BTBD10: variants seen among roughly 807,000 people sequenced by gnomAD.
The protein encoded by BTBD10 is BTB domain containing 10.
A neutral mutation model predicts 53.2 loss-of-function variants in BTBD10; 21 were observed. The ratio of observed to expected loss-of-function variants is 0.39; its 90% confidence interval spans 0.28 to 0.57. The LOEUF is 0.57. Among genes scored for constraint, BTBD10 ranks in the 20% least tolerant of loss-of-function variants. The probability of loss-of-function intolerance (pLI) is 0.53; values close to 1 mark genes in which losing one functional copy is unlikely to be tolerated. For synonymous variants in BTBD10, 149 were observed against 192.7 expected (o/e 0.77, Z 1.88); for missense variants, 360 against 594.7 (o/e 0.61, Z 4.10).
At chr11:13,395,782 C>T (rs1451570534) in intron 8 of BTBD10, among the ~76,000 whole-genome samples, 4 of 152,134 alleles carry the variant, frequency 2.6e-5, no homozygotes, top group Non-Finnish European at 5.9e-5. Context: ...CCAGCACCAT[C>T]TATTAAATAG....
intron 1 of BTBD10, among the ~76,000 whole-genome samples, chr11:13,451,243 C>G (rs1029760651): frequency 1.3e-5 from 2 of 152,146 alleles, no homozygotes; most frequent in Admixed American, 1.3e-4. Flanking sequence ...CCCTTGAAAG[C>G]TGCATGGCAT....
chr11:13,452,512 A>G (rs904092956), intron 1 of BTBD10, among the ~76,000 whole-genome samples: 12 of 152,244 alleles, frequency 7.9e-5, no homozygotes, highest in African/African-American at 2.7e-4. Flanking sequence ...AGCATCAAAT[A>G]TATCAGCAAG....
chr11:13,421,573 C>T, intron 3 of BTBD10, 69 bp downstream of exon 3: 1 of 1,368,654 alleles, frequency 7.3e-7, no homozygotes, highest in South Asian at 1.3e-5. Flanking sequence ...AATTCAATGT[C>T]ATTACTACTT....
At chr11:13,437,534 T>C (rs1391395263) in intron 2 of BTBD10, among the ~76,000 whole-genome samples, 1 of 152,202 alleles carries the variant, frequency 6.6e-6, no homozygotes, top group Non-Finnish European at 1.5e-5. Flanking sequence ...GTCAGAATTG[T>C]GTAAATTAAT....
chr11:13,397,464 C>G (rs1034618863), intron 8 of BTBD10, among the ~76,000 whole-genome samples: 1 of 152,080 alleles, frequency 6.6e-6, no homozygotes, highest in Admixed American at 6.5e-5. Context: ...AGCAGTCTAT[C>G]AATTTTGTTG....
At chr11:13,440,119 G>C (rs1435632405) in intron 2 of BTBD10, 1 of 1,513,640 alleles carries the variant, frequency 6.6e-7, no homozygotes, top group Admixed American at 2.0e-5. Flanking sequence ...ACTTCCTTTA[G>C]CTTCCTCCCT....
At chr11:13,451,051 A>T (rs1342913716) in intron 1 of BTBD10, among the ~76,000 whole-genome samples, 1 of 152,176 alleles carries the variant, frequency 6.6e-6, no homozygotes, top group African/African-American at 2.4e-5. Flanking sequence ...AAAACCTCAG[A>T]GCTGAAATTT....
chr11:13,404,893 A>C (rs1231341582), intron 7 of BTBD10, among the ~76,000 whole-genome samples: 1 of 152,172 alleles, frequency 6.6e-6, no homozygotes, highest in East Asian at 1.9e-4. Context: ...ATCAGAGATA[A>C]GGTGTTTTGG....
At chr11:13,402,447 T>A (rs1255684126) in intron 8 of BTBD10, among the ~76,000 whole-genome samples, 1 of 152,180 alleles carries the variant, frequency 6.6e-6, no homozygotes, top group African/African-American at 2.4e-5. Context: ...AGGCACAGAA[T>A]TTTTAAGTGC....
At chr11:13,422,485 T>C (rs1418561156) in intron 2 of BTBD10, among the ~76,000 whole-genome samples, 3 of 151,958 alleles carry the variant, frequency 2.0e-5, no homozygotes, top group Non-Finnish European at 4.4e-5. Context: ...CTGTCTCTAC[T>C]AAAAACACAA....
chr11:13,412,631 T>G (rs1245505376), intron 6 of BTBD10, among the ~76,000 whole-genome samples: 2 of 152,248 alleles, frequency 1.3e-5, no homozygotes, highest in Non-Finnish European at 2.9e-5. Context: ...TATTACCATG[T>G]AGGATGATAT....
At chr11:13,417,899 A>G (rs1950153849) in intron 4 of BTBD10, among the ~76,000 whole-genome samples, 1 of 152,204 alleles carries the variant, frequency 6.6e-6, no homozygotes, top group Admixed American at 6.5e-5. Flanking sequence ...CTCTTATGTA[A>G]GAAAATACAA....
intron 2 of BTBD10, chr11:13,439,776 T>C (rs1950612557): frequency 2.4e-6 from 2 of 842,298 alleles, no homozygotes; most frequent in Non-Finnish European, 3.4e-6. Context: ...GTCATGTAAA[T>C]GATCATAATG....
In BTBD10 at chr11:13,419,605, C is replaced by T. The variant is rs764230713; in HGVS notation, c.439G>A (p.Gly147Arg). 2 of 1,614,110 alleles carry T rather than the reference C, an allele frequency of 1.2e-6. No homozygotes were observed. The highest frequency in any genetic ancestry group is 2.2e-5 in the East Asian group (1 of 44,864). Residue 147 changes from glycine to arginine, a missense_variant, in exon 4 of 9, where the codon GGG (glycine) becomes AGG (arginine). Physicochemically the swap from Gly to Arg is moderately radical, Grantham distance 125. Coordinates refer to ENST00000278174, the MANE Select transcript of BTBD10 (RefSeq NM_032320.7). ...TTTTCATATACAAACACCATCTCCC[C>T]AGCTGTCTTACAGCTACCATCTGAA... ...SSSDGSCKTAGEMVFVYENAK... is the reference protein window; with the variant it reads ...SSSDGSCKTAREMVFVYENAK...
intron 6 of BTBD10, among the ~76,000 whole-genome samples, chr11:13,410,259 GAAT>G (rs921608905): frequency 3.0e-4 from 46 of 152,190 alleles, no homozygotes; most frequent in African/African-American, 1.1e-3. Context: ...GCACCACTTA[GAAT>G]AAGTGCAGAT....
chr11:13,402,484 A>C (rs1348696353), intron 8 of BTBD10, among the ~76,000 whole-genome samples: 1 of 152,210 alleles, frequency 6.6e-6, no homozygotes, highest in Non-Finnish European at 1.5e-5. Flanking sequence ...GGATTTGAAC[A>C]TAAGTCACAG....
At chr11:13,414,609 G>A (rs1427969736) in intron 5 of BTBD10, among the ~76,000 whole-genome samples, 84 of 150,878 alleles carry the variant, frequency 5.6e-4, no homozygotes, top group African/African-American at 1.8e-3. Context: ...AGCCGAGATC[G>A]CGCCACTGCA....
At chr11:13,419,981 T>C (rs1290738354) in intron 3 of BTBD10, among the ~76,000 whole-genome samples, 2 of 152,154 alleles carry the variant, frequency 1.3e-5, no homozygotes, top group African/African-American at 4.8e-5. Flanking sequence ...TTAAAAAAGA[T>C]GTATAGCTGA....
At chr11:13,396,325 A>C (rs1949551104) in intron 8 of BTBD10, among the ~76,000 whole-genome samples, 2 of 152,114 alleles carry the variant, frequency 1.3e-5, no homozygotes, top group African/African-American at 4.8e-5. Context: ...TTCACTCATG[A>C]TTTGGCTCTC....
Sources: allele counts gnomAD v4.1 joint callset (sites outside exome capture counted in the v4.1 genomes callset), GRCh38; gene constraint gnomAD v4.1.1; transcripts MANE v1.5; gene names NCBI Gene and HGNC (gene_info 2026-07-23, HGNC 2026-07-21).